KLF13: variants seen among roughly 807,000 people sequenced by gnomAD.
KLF13 encodes Krueppel-like factor 13.
A neutral mutation model predicts 16.7 loss-of-function variants in KLF13; 8 were observed. The ratio of observed to expected loss-of-function variants is 0.48; its 90% CI spans 0.28 to 0.87. The LOEUF (loss-of-function observed/expected upper bound fraction) is 0.87. Ranked by LOEUF, KLF13 falls within the 40% of genes least tolerant of loss-of-function variation. KLF13 has a pLI of 0.10. For synonymous variants in KLF13, 245 were observed against 208.4 expected, an observed-to-expected ratio of 1.18 and a Z score of -1.51; for missense variants, 447 against 452.2, an observed-to-expected ratio of 0.99 and a Z score of 0.10.
At chr15:31,333,909 C>T (rs1007719939) in intron 1 of KLF13, among the ~76,000 whole-genome samples, 6 of 152,072 alleles carry the variant, frequency 3.9e-5, no homozygotes, top group Non-Finnish European at 7.4e-5. Context: ...AAATTTTGGT[C>T]CAAAATATGG....
intron 2 of KLF13, among the ~76,000 whole-genome samples, chr15:31,401,181 G>A (rs1359018450): frequency 1.3e-5 from 2 of 152,092 alleles, no homozygotes; most frequent in East Asian, 1.9e-4. Flanking sequence ...TATATTTTTA[G>A]TAGAGACCGG....
At chr15:31,422,444 A>G (rs2040340065) in intron 1 of KLF13, among the ~76,000 whole-genome samples, 2 of 152,078 alleles carry the variant, frequency 1.3e-5, no homozygotes, top group South Asian at 4.2e-4. Context: ...TGCTTATAAA[A>G]CCATCAGATC....
chr15:31,425,293 AT>A (rs1274031337), intron 1 of KLF13, among the ~76,000 whole-genome samples: 1 of 152,238 alleles, frequency 6.6e-6, no homozygotes, highest in Non-Finnish European at 1.5e-5. Flanking sequence ...TCTAAAATGT[AT>A]ATGGAATCCT....
chr15:31,328,048 T>G (rs1257415512), intron 1 of KLF13, among the ~76,000 whole-genome samples: 3 of 134,994 alleles, frequency 2.2e-5, no homozygotes, highest in Non-Finnish European at 3.2e-5. Flanking sequence ...CGCGCTCGGG[T>G]GGGGCCGCGG....
chr15:31,421,043 C>G (rs1175053915), intron 1 of KLF13, among the ~76,000 whole-genome samples: 1 of 152,076 alleles, frequency 6.6e-6, no homozygotes, highest in Non-Finnish European at 1.5e-5. Flanking sequence ...GATGGTCTGT[C>G]CTGTCTGTGA....
upstream of KLF13, among the ~76,000 whole-genome samples, chr15:31,391,792 G>C (rs1027315572): frequency 3.3e-5 from 5 of 152,232 alleles, no homozygotes; most frequent in African/African-American, 9.6e-5. Context: ...CGAGGAGTCC[G>C]CGGAGTTGGG....
chr15:31,329,212 G>C (rs1167037075), intron 1 of KLF13, among the ~76,000 whole-genome samples: 1 of 151,702 alleles, frequency 6.6e-6, no homozygotes, highest in African/African-American at 2.4e-5. Flanking sequence ...TCAGGTTGGG[G>C]GTGGGAGTCA....
In KLF13 at chr15:31,374,068, TG is replaced by T. The variant is rs890419150; in HGVS notation, c.*1773del. The T allele has an allele frequency of 6.5e-6, 1 of 152,708 alleles. No homozygotes were observed. Among genetic ancestry groups the T allele is most frequent in the Non-Finnish European group, 1.5e-5 (1 of 68,138 alleles). 9.5% of individuals were successfully genotyped at this position (152,708 alleles called of 1,614,324 possible). ...GCTTCTACTCAGCCCTGCCATGCTA[TG>T]GGGTGCAGCACAAACCCAGGACCCA... On this transcript the variant is annotated 3_prime_UTR_variant, in exon 2 of 2. Coordinates refer to ENST00000307145, the MANE Select transcript of KLF13 (RefSeq NM_015995.4).
upstream of KLF13, among the ~76,000 whole-genome samples, chr15:31,390,867 G>C (rs1476003809): frequency 6.6e-6 from 1 of 151,446 alleles, no homozygotes; most frequent in Admixed American, 6.6e-5. Flanking sequence ...GCTGAAACAG[G>C]CTTCCTTACT....
intron 1 of KLF13, chr15:31,419,990 A>C (rs949862197): frequency 2.0e-5 from 6 of 300,080 alleles, no homozygotes; most frequent in Non-Finnish European, 3.9e-5. Flanking sequence ...TTATCAGCTG[A>C]TTTCTCAGCA....
chr15:31,338,969 C>T (rs1258966449), intron 1 of KLF13, among the ~76,000 whole-genome samples: 1 of 152,082 alleles, frequency 6.6e-6, no homozygotes. Flanking sequence ...GAAGGCACCC[C>T]TTCTTTGTGC....
intron 1 of KLF13, among the ~76,000 whole-genome samples, chr15:31,424,875 T>TCACACACATA (rs2040382719): frequency 6.8e-6 from 1 of 146,198 alleles, no homozygotes; most frequent in East Asian, 2.0e-4. Flanking sequence ...TCTAGAGATT[T>TCACACACATA]CACACACACA....
At chr15:31,420,215 C>A in intron 1 of KLF13, 1 of 629,666 alleles carries the variant, frequency 1.6e-6, no homozygotes, top group Non-Finnish European at 3.0e-6. Flanking sequence ...TGCCCAGAAT[C>A]CTGTGGGCAA....
intron 1 of KLF13, among the ~76,000 whole-genome samples, chr15:31,371,756 G>A (rs947680906): frequency 6.6e-6 from 1 of 152,250 alleles, no homozygotes; most frequent in African/African-American, 2.4e-5. Flanking sequence ...CTACCCATGG[G>A]CCCTGCAGCT....
chr15:31,327,809 C>CAGGTGCGG lies in KLF13; in HGVS notation c.577+20_577+21insAGGTGCGG, dbSNP rs1323785259. 5 of 1,449,076 alleles carry CAGGTGCGG rather than the reference C, an allele frequency of 3.5e-6. No individual in the cohort carries two copies. The highest frequency in any genetic ancestry group is 5.8e-5 in the East Asian group (2 of 34,410). 89.8% of individuals were successfully genotyped at this position (1,449,076 alleles called of 1,614,324 possible). ...ACACAGGTCAGTGGGGCGGCGCGGG[C>CAGGTGCGG]GCCCGGATCGCGCGGACGGGGTCGG... On this transcript the variant is annotated intron_variant, in intron 1 of 1. Transcript: ENST00000307145.
chr15:31,345,173 A>G (rs996293185), intron 1 of KLF13, among the ~76,000 whole-genome samples: 1 of 152,214 alleles, frequency 6.6e-6, no homozygotes, highest in Non-Finnish European at 1.5e-5. Context: ...GAGGAGCAGG[A>G]CAGATGGCAT....
rs537579593 is a variant in KLF13, at chr15:31,361,199, C to T, written c.578-10811C>T. Among the ~76,000 whole-genome samples, 168 of 152,282 alleles carry T rather than the reference C, an allele frequency of 1.1e-3. 2 individuals are homozygous for T. The highest frequency in any genetic ancestry group is 4.0e-3 in the African/African-American group (166 of 41,576). ...CTGGGTGCAGAGGGTAGCCTCGCCG[C>T]ACTGTGGGTGGGTGCCCCTGCTTGC... On this transcript the variant is annotated intron_variant, in intron 1 of 1. Transcript: ENST00000307145.
At chr15:31,345,470 C>T (rs949910848) in intron 1 of KLF13, among the ~76,000 whole-genome samples, 3 of 152,210 alleles carry the variant, frequency 2.0e-5, no homozygotes, top group African/African-American at 4.8e-5. Flanking sequence ...CACTGGGGTG[C>T]GGGCAGATCC....
At position 31,383,851 on chromosome 15, in the gene KLF13, A is replaced by G. The variant is rs200927758; in HGVS notation, n.224-51519A>G. On this transcript the variant is annotated intron_variant and non_coding_transcript_variant, in intron 1 of 1. Coordinates refer to the KLF13 transcript ENST00000558921. Reference sequence around the variant, plus strand: ...TGGGAGGCAGAGCTTGCAGTGAGCCAAGATCACGCCACTGCACTCCAGCCT... The same window carrying G: ...TGGGAGGCAGAGCTTGCAGTGAGCCGAGATCACGCCACTGCACTCCAGCCT... Among the ~76,000 whole-genome samples, 98 of 152,174 alleles carry G rather than the reference A, an allele frequency of 6.4e-4. 1 individual carries two copies. The South Asian group carries it at 6.6e-3, about 10-fold the overall frequency.
Sources: allele counts gnomAD v4.1 joint callset (sites outside exome capture counted in the v4.1 genomes callset), GRCh38; gene constraint gnomAD v4.1.1; transcripts MANE v1.5; gene names NCBI Gene and HGNC (gene_info 2026-07-23, HGNC 2026-07-21).